The following ANK2 variants were observed in gnomAD, a reference collection of about 807,000 sequenced individuals.
ANK2 encodes the protein ankyrin 2.
In ANK2, 83 loss-of-function variants were observed where a neutral mutation model predicts 360.5. The ratio of observed to expected loss-of-function variants is 0.23; its 90% confidence interval spans 0.19 to 0.28. The LOEUF (loss-of-function observed/expected upper bound fraction) is 0.28, where lower values mean the gene tolerates loss of function less well. Ranked by LOEUF, ANK2 falls within the 10% of genes least tolerant of loss-of-function variation. The probability of loss-of-function intolerance (pLI) is 1.00; values close to 1 mark genes in which losing one functional copy is unlikely to be tolerated. For missense variants in ANK2, 4,201 were observed against 4,795.7 expected (o/e 0.88, Z 3.66); for synonymous variants, 1,740 against 1,759.5 (o/e 0.99, Z 0.28).
intron 2 of ANK2, among the ~76,000 whole-genome samples, chr4:113,179,872 T>A (rs1056320389): frequency 6.6e-6 from 1 of 152,252 alleles, no homozygotes; most frequent in African/African-American, 2.4e-5. Context: ...GTATACAATT[T>A]ATTAGTTTCA....
intron 1 of ANK2, among the ~76,000 whole-genome samples, chr4:112,879,200 C>T (rs2076055176): frequency 6.6e-6 from 1 of 152,060 alleles, no homozygotes; most frequent in South Asian, 2.1e-4. Context: ...CATGTGAGTC[C>T]CCCCACCAAC....
At chr4:113,090,377 A>G (rs2087243133) in intron 1 of ANK2, among the ~76,000 whole-genome samples, 1 of 152,230 alleles carries the variant, frequency 6.6e-6, no homozygotes, top group Admixed American at 6.5e-5. Context: ...ACATAGTGGT[A>G]TGAAACAGAT....
chr4:113,316,270 C>T (rs1464414365), intron 24 of ANK2, among the ~76,000 whole-genome samples: 4 of 152,132 alleles, frequency 2.6e-5, no homozygotes, highest in East Asian at 1.9e-4. Flanking sequence ...TATGTGTTAA[C>T]GCAAGGATCA....
intron 1 of ANK2, among the ~76,000 whole-genome samples, chr4:113,077,381 A>C (rs1318678285): frequency 1.3e-5 from 2 of 152,066 alleles, no homozygotes; most frequent in African/African-American, 4.8e-5. Flanking sequence ...TTTCTTTCTA[A>C]CTTTCTGTAT....
chr4:113,225,948 A>G (rs749039372), intron 4 of ANK2, among the ~76,000 whole-genome samples: 11 of 152,198 alleles, frequency 7.2e-5, no homozygotes, highest in Non-Finnish European at 1.0e-4. Context: ...ATATTTGAAG[A>G]AAAGCATTAT....
At chr4:112,884,195 C>T (rs1226255669) in intron 1 of ANK2, among the ~76,000 whole-genome samples, 1 of 151,874 alleles carries the variant, frequency 6.6e-6, no homozygotes, top group Non-Finnish European at 1.5e-5. Flanking sequence ...TTTTGTTATC[C>T]CCAAAATGAA....
chr4:113,169,425 A>G (rs2097862656), intron 1 of ANK2, among the ~76,000 whole-genome samples: 2 of 152,172 alleles, frequency 1.3e-5, no homozygotes, highest in Admixed American at 1.3e-4. Flanking sequence ...TTGTATTGCT[A>G]TAAAAACGCA....
intron 9 of ANK2, among the ~76,000 whole-genome samples, chr4:113,245,010 T>G (rs2042083166): frequency 6.6e-6 from 1 of 152,216 alleles, no homozygotes; most frequent in Non-Finnish European, 1.5e-5. Context: ...TTATCCAGTC[T>G]ATCATTGATG....
At chr4:112,859,965 A>C (rs138565007) in intron 1 of ANK2, among the ~76,000 whole-genome samples, 2 of 152,368 alleles carry the variant, frequency 1.3e-5, no homozygotes, top group African/African-American at 4.8e-5. Context: ...CCAGCAATAC[A>C]GTGACCATTC....
intron 13 of ANK2, 116 bp downstream of exon 13, chr4:113,258,527 A>G: frequency 1.0e-6 from 1 of 964,598 alleles, no homozygotes; most frequent in Non-Finnish European, 1.7e-6. Flanking sequence ...CCAAGCTTTG[A>G]GAAGGGCCCT....
At chr4:113,377,269 C>T (rs2096981134) in intron 45 of ANK2, among the ~76,000 whole-genome samples, 1 of 152,064 alleles carries the variant, frequency 6.6e-6, no homozygotes, top group East Asian at 1.9e-4. Context: ...GGTTTATTTA[C>T]ACCAGCATCG....
chr4:113,288,584 TTC>T, intron 20 of ANK2, 98 bp downstream of exon 20: 1 of 1,050,374 alleles, frequency 9.5e-7, no homozygotes, highest in Non-Finnish European at 1.4e-6. Flanking sequence ...TATTTTTTTC[TTC>T]CTTTTTAGTT....
At chr4:113,011,296 C>T (rs1561527598) in intron 2 of ANK2, among the ~76,000 whole-genome samples, 1 of 151,980 alleles carries the variant, frequency 6.6e-6, no homozygotes, top group Non-Finnish European at 1.5e-5. Flanking sequence ...TGATCATTTT[C>T]TTAGGATATA....
intron 26 of ANK2, among the ~76,000 whole-genome samples, chr4:113,329,100 A>T (rs540356259): frequency 2.6e-5 from 4 of 152,198 alleles, no homozygotes; most frequent in Non-Finnish European, 5.9e-5. Flanking sequence ...AAAAGACACT[A>T]ATGTAATTTG....
intron 18 of ANK2, 32 bp from the exon 19 acceptor site, chr4:113,287,573 A>C: frequency 6.8e-7 from 1 of 1,466,090 alleles, no homozygotes; most frequent in East Asian, 2.3e-5. Flanking sequence ...TTCTTCTTCA[A>C]CTGTATCCCT....
chr4:113,019,123 T>C (rs1296880682), intron 2 of ANK2, among the ~76,000 whole-genome samples: 1 of 152,230 alleles, frequency 6.6e-6, no homozygotes, highest in African/African-American at 2.4e-5. Context: ...GTTCAGGTTA[T>C]ATGTATAAAA....
intron 2 of ANK2, among the ~76,000 whole-genome samples, chr4:112,983,950 A>T (rs1264981561): frequency 6.6e-6 from 1 of 152,216 alleles, no homozygotes; most frequent in African/African-American, 2.4e-5. Flanking sequence ...TTTAATGAAG[A>T]CAAAGTCTGA....
At chr4:112,960,935 C>G (rs1356768728) in intron 2 of ANK2, among the ~76,000 whole-genome samples, 1 of 152,090 alleles carries the variant, frequency 6.6e-6, no homozygotes, top group Non-Finnish European at 1.5e-5. Context: ...GAATCAGATA[C>G]TTTACAAATA....
At chr4:112,840,053 G>A (rs2061777053) in intron 1 of ANK2, among the ~76,000 whole-genome samples, 1 of 152,204 alleles carries the variant, frequency 6.6e-6, no homozygotes, top group African/African-American at 2.4e-5. Context: ...TAGGTCTTGT[G>A]CTATGTGCTG....
Sources: allele counts gnomAD v4.1 joint callset (sites outside exome capture counted in the v4.1 genomes callset), GRCh38; gene constraint gnomAD v4.1.1; transcripts MANE v1.5; gene names NCBI Gene and HGNC (gene_info 2026-07-23, HGNC 2026-07-21).